AKR1C8: variants seen among roughly 807,000 people sequenced by gnomAD.
AKR1C8 encodes the protein aldo-keto reductase family 1 member C8, also known as aldo-keto reductase family 1 member C-like protein 1.
the AKR1C8 span, among the ~76,000 whole-genome samples, chr10:5,171,802 C>T: frequency 6.6e-6 from 1 of 152,048 alleles, no homozygotes; most frequent in African/African-American, 2.4e-5. Flanking sequence ...TTACAATTAA[C>T]CTTCCAAAAC....
At chr10:5,116,338 C>G in the AKR1C8 span, among the ~76,000 whole-genome samples, 1 of 152,030 alleles carries the variant, frequency 6.6e-6, no homozygotes, top group Non-Finnish European at 1.5e-5. Context: ...GTTCTTCCCT[C>G]TAGAACTAAG....
chr10:5,119,923 G>C, the AKR1C8 span, among the ~76,000 whole-genome samples: 1,209 of 152,262 alleles, frequency 7.9e-3, 15 homozygotes, highest in African/African-American at 0.027. Context: ...CTAATATCTA[G>C]ACATGCAAAA....
chr10:5,138,666 T>C, the AKR1C8 span, among the ~76,000 whole-genome samples: 1 of 152,174 alleles, frequency 6.6e-6, no homozygotes, highest in Non-Finnish European at 1.5e-5. Context: ...ATTTGGGAAC[T>C]GATAAATGTC....
chr10:5,175,795 A>T, the AKR1C8 span, among the ~76,000 whole-genome samples: 1 of 151,458 alleles, frequency 6.6e-6, no homozygotes, highest in African/African-American at 2.4e-5. Flanking sequence ...GTGTCTGTTC[A>T]TGAACTTCGC....
chr10:5,178,191 A>G, the AKR1C8 span, among the ~76,000 whole-genome samples: 2 of 152,026 alleles, frequency 1.3e-5, no homozygotes, highest in African/African-American at 4.8e-5. Flanking sequence ...CTTTGTTCTC[A>G]TTGGTTTCAA....
chr10:5,122,098 C>A, the AKR1C8 span: 1 of 353,346 alleles, frequency 2.8e-6, no homozygotes, highest in South Asian at 2.4e-5. Context: ...TGTAACTTAG[C>A]ATGTCGGAGA....
At chr10:5,174,310 A>T in the AKR1C8 span, among the ~76,000 whole-genome samples, 1 of 392 alleles carries the variant, frequency 2.6e-3, no homozygotes, top group East Asian at 0.5. Context: ...TAATTAACCT[A>T]AAAAAAAAAC....
the AKR1C8 span, among the ~76,000 whole-genome samples, chr10:5,119,051 A>G: frequency 1.3e-5 from 2 of 152,242 alleles, no homozygotes; most frequent in Non-Finnish European, 2.9e-5. Context: ...ACCAATTTTG[A>G]TCAATTACAC....
At chr10:5,138,768 G>A in the AKR1C8 span, among the ~76,000 whole-genome samples, 1 of 151,640 alleles carries the variant, frequency 6.6e-6, no homozygotes, top group Non-Finnish European at 1.5e-5. Context: ...CACAAGACAG[G>A]GATGCCCTCT....
the AKR1C8 span, chr10:5,162,115 C>T: frequency 2.6e-6 from 1 of 380,964 alleles, no homozygotes; most frequent in Non-Finnish European, 5.2e-6. Context: ...ACATATGTTA[C>T]TCAGTATAAA....
chr10:5,181,068 G>A, the AKR1C8 span, among the ~76,000 whole-genome samples: 7 of 152,214 alleles, frequency 4.6e-5, no homozygotes, highest in African/African-American at 7.2e-5. Flanking sequence ...GAAATCACCC[G>A]TCTTCTGCGT....
At chr10:5,129,413 AAAT>A in the AKR1C8 span, among the ~76,000 whole-genome samples, 1 of 152,144 alleles carries the variant, frequency 6.6e-6, no homozygotes, top group East Asian at 1.9e-4. Context: ...TGAAGAAAAG[AAAT>A]AATATCAGAA....
At chr10:5,176,279 G>C in the AKR1C8 span, among the ~76,000 whole-genome samples, 10 of 115,778 alleles carry the variant, frequency 8.6e-5, no homozygotes, top group Non-Finnish European at 2.0e-4. Context: ...TCAAAGATCC[G>C]ATAGTTGTAG....
At chr10:5,142,897 AC>A in the AKR1C8 span, among the ~76,000 whole-genome samples, 99 of 152,236 alleles carry the variant, frequency 6.5e-4, no homozygotes, top group African/African-American at 2.3e-3. Flanking sequence ...CAGGGTTGCT[AC>A]AAATGTTCAA....
At chr10:5,174,923 TG>T in the AKR1C8 span, among the ~76,000 whole-genome samples, 2 of 152,082 alleles carry the variant, frequency 1.3e-5, no homozygotes, top group African/African-American at 4.8e-5. Flanking sequence ...AAATATTACA[TG>T]TTTTTTCATA....
the AKR1C8 span, among the ~76,000 whole-genome samples, chr10:5,127,674 A>T: frequency 6.8e-6 from 1 of 147,496 alleles, no homozygotes; most frequent in Non-Finnish European, 1.5e-5. Context: ...GTGAGCCAAG[A>T]TCATGCACCT....
the AKR1C8 span, among the ~76,000 whole-genome samples, chr10:5,170,582 CTT>C: frequency 6.6e-6 from 1 of 152,088 alleles, no homozygotes; most frequent in Non-Finnish European, 1.5e-5. Flanking sequence ...TTTCTCTTCT[CTT>C]TGAGGTCCCA....
At chr10:5,123,499 C>A in the AKR1C8 span, 1 of 523,880 alleles carries the variant, frequency 1.9e-6, no homozygotes. Context: ...TTAGGCGGCT[C>A]CCTAAACAGA....
chr10:5,154,064 C>A, the AKR1C8 span: 1 of 429,098 alleles, frequency 2.3e-6, no homozygotes, highest in Non-Finnish European at 4.9e-6. Context: ...CTTCCTACTC[C>A]TCTATCAAAT....
Sources: allele counts gnomAD v4.1 joint callset (sites outside exome capture counted in the v4.1 genomes callset), GRCh38; gene constraint gnomAD v4.1.1; transcripts MANE v1.5; gene names NCBI Gene and HGNC (gene_info 2026-07-23, HGNC 2026-07-21).